RPS6KA2: variants seen among roughly 807,000 people sequenced by gnomAD.
The protein encoded by RPS6KA2 is ribosomal protein S6 kinase alpha-2.
In RPS6KA2, 42 loss-of-function variants were observed where a neutral mutation model predicts 91.8. That is an observed-to-expected ratio of 0.46 (90% CI 0.36 to 0.59). The LOEUF is 0.59. Ranked by LOEUF, RPS6KA2 falls within the 20% of genes least tolerant of loss-of-function variation. RPS6KA2 has a pLI of 0.00. For synonymous variants in RPS6KA2, 414 were observed against 393.6 expected (o/e 1.05, Z -0.61); for missense variants, 798 against 978.5 (o/e 0.82, Z 2.46).
intron 2 of RPS6KA2, among the ~76,000 whole-genome samples, chr6:166,846,859 G>T (rs1780619375): frequency 6.6e-6 from 1 of 152,216 alleles, no homozygotes; most frequent in Admixed American, 6.5e-5. Context: ...GTCCTAGCCA[G>T]AACAATCACA....
chr6:166,772,129 G>T (rs1350805244), intron 2 of RPS6KA2, among the ~76,000 whole-genome samples: 2 of 152,160 alleles, frequency 1.3e-5, no homozygotes, highest in Non-Finnish European at 2.9e-5. Flanking sequence ...ATTGTACTGG[G>T]CATGTATGGT....
At position 166,767,771 on chromosome 6, in the gene RPS6KA2, TCAAACACA is replaced by T. The variant is rs1425910465; in HGVS notation, c.123+90421_123+90428del. On this transcript the variant is annotated intron_variant, in intron 2 of 21. Coordinates refer to the RPS6KA2 transcript ENST00000503859. The surrounding 1 kb of genome is among the most constrained non-coding windows in gnomAD (Gnocchi z 4.6). ...ATTAAGAACTAAAGACAATACCTCC[TCAAACACA>T]CACACACACACACACACACACACAC... Among the ~76,000 whole-genome samples, 5 of 95,860 alleles carry T rather than the reference TCAAACACA, an allele frequency of 5.2e-5. No homozygotes were observed. The highest frequency in any genetic ancestry group is 1.3e-4 in the African/African-American group (3 of 23,174). The allele number at this position is 95,860 out of a possible 152,430, so 62.9% of individuals were successfully genotyped here.
At chr6:166,417,156 A>C (rs1318751055) in intron 19 of RPS6KA2, among the ~76,000 whole-genome samples, 3 of 152,246 alleles carry the variant, frequency 2.0e-5, no homozygotes, top group African/African-American at 7.2e-5. Flanking sequence ...TGTGGACTGC[A>C]GACAAGGCCA....
Position 166,802,942 on chromosome 6 carries a change from GTGTA to G in RPS6KA2, c.123+55254_123+55257del, listed in dbSNP as rs1334596986. 5.2e-3 allele frequency among the ~76,000 whole-genome samples: 604 copies of G among 116,116 alleles called. 2 individuals are homozygous for G. Among genetic ancestry groups the G allele is most frequent in the Middle Eastern group, 0.01 (2 of 198 alleles). 76.2% of individuals were successfully genotyped at this position (116,116 alleles called of 152,430 possible). A position where few individuals can be genotyped will look rare whatever the true frequency, so the allele number is the denominator to read the frequency against. On this transcript the variant is annotated intron_variant, in intron 2 of 21. Coordinates refer to the RPS6KA2 transcript ENST00000503859. ...ATATAATGTATGTATATGTGTGTGTGTGTATATATATATATATATATAAAATGAT... is the reference window on the plus strand; with the variant it reads ...ATATAATGTATGTATATGTGTGTGTGTATATATATATATATATAAAATGAT...
At chr6:166,429,120 G>A (rs2128444666) in intron 16 of RPS6KA2, among the ~76,000 whole-genome samples, 1 of 152,192 alleles carries the variant, frequency 6.6e-6, no homozygotes, top group Non-Finnish European at 1.5e-5. Context: ...AAAATGATGA[G>A]TTCATGTCCT....
intron 7 of RPS6KA2, among the ~76,000 whole-genome samples, chr6:166,499,857 G>GAACAGACTAACACAGGGACTTTC (rs1562536916): frequency 6.7e-6 from 1 of 150,370 alleles, no homozygotes; most frequent in East Asian, 2.0e-4. Flanking sequence ...CAGGGACTTT[G>GAACAGACTAACACAGGGACTTTC]AGAACAGACT....
At chr6:166,788,995 G>A (rs890477822) in intron 2 of RPS6KA2, among the ~76,000 whole-genome samples, 1 of 152,166 alleles carries the variant, frequency 6.6e-6, no homozygotes. Context: ...TCACTAGGGA[G>A]TGCCAGACAG....
chr6:166,501,058 G>A (rs1354739600), intron 6 of RPS6KA2, 134 bp from the exon 7 acceptor site: 10 of 732,114 alleles, frequency 1.4e-5, no homozygotes, highest in Non-Finnish European at 2.3e-5. Flanking sequence ...GCTGGCCCAG[G>A]AGATCCCCAC....
chr6:166,740,994 T>C (rs1391539213), intron 2 of RPS6KA2, among the ~76,000 whole-genome samples: 1 of 152,240 alleles, frequency 6.6e-6, no homozygotes, highest in Non-Finnish European at 1.5e-5. Flanking sequence ...CACGGCTCCA[T>C]GCCTACATGC....
intron 2 of RPS6KA2, among the ~76,000 whole-genome samples, chr6:166,746,726 C>T (rs550474260): frequency 3.7e-4 from 57 of 152,232 alleles, no homozygotes; most frequent in Middle Eastern, 6.9e-3. Flanking sequence ...CAAGTTCCCT[C>T]CTTGTCTTCC....
rs1778344445 is a variant in RPS6KA2 at position 166,412,586 on chromosome 6, A to C, written c.*176T>G. 1 of 586,678 alleles carries C rather than the reference A, an allele frequency of 1.7e-6. No individual in the cohort carries two copies. The highest frequency in any genetic ancestry group is 2.8e-6 in the Non-Finnish European group (1 of 353,348). The allele number at this position is 586,678 out of a possible 1,614,324, so 36.3% of individuals were successfully genotyped here. ...AGGCTGGCGCAGTGAGGCTTGGAGA[A>C]GCCCCCAGGTCAGGACCCTCTCCGG... On this transcript the variant is annotated 3_prime_UTR_variant, in exon 21 of 21. Transcript: ENST00000265678. This position sits in a 1 kb window ranked among gnomAD's most constrained non-coding sequence, Gnocchi z 4.3.
intron 1 of RPS6KA2, among the ~76,000 whole-genome samples, chr6:166,624,862 T>C (rs1340662682): frequency 1.3e-5 from 2 of 151,950 alleles, no homozygotes; most frequent in Non-Finnish European, 2.9e-5. Context: ...TTGAGACAAG[T>C]CTCGCTCTCT....
rs1205484374 is a variant in RPS6KA2 at position 166,433,383 on chromosome 6, T to G, written c.1333-893A>C. Among the ~76,000 whole-genome samples, 1 of 152,084 alleles carries G rather than the reference T, an allele frequency of 6.6e-6. No individual in the cohort carries two copies. The highest frequency in any genetic ancestry group is 2.4e-5 in the African/African-American group (1 of 41,398). ...ACATATGGTTTCTGAGGACAGGGTG[T>G]TGGGATTTAAGCCTACCTTGGAAAC... On this transcript the variant is annotated intron_variant, in intron 14 of 20. Transcript: ENST00000265678. The surrounding 1 kb of genome is among the most constrained non-coding windows in gnomAD (Gnocchi z 4.4).
chr6:166,478,715 G>A (rs1781074448), intron 10 of RPS6KA2, among the ~76,000 whole-genome samples: 2 of 152,190 alleles, frequency 1.3e-5, no homozygotes, highest in African/African-American at 4.8e-5. Flanking sequence ...AGATGAGCAG[G>A]AAGCAATGAG....
intron 2 of RPS6KA2, among the ~76,000 whole-genome samples, chr6:166,534,420 G>C (rs1783415046): frequency 6.6e-6 from 1 of 152,040 alleles, no homozygotes; most frequent in African/African-American, 2.4e-5. Flanking sequence ...GTACATGACG[G>C]ATTTGTGTTT....
At chr6:166,667,928 G>A (rs1490561615) in intron 2 of RPS6KA2, among the ~76,000 whole-genome samples, 5 of 152,230 alleles carry the variant, frequency 3.3e-5, no homozygotes, top group African/African-American at 2.4e-5. Flanking sequence ...GTTCCTGCCT[G>A]CGTCGTTGGT....
intron 2 of RPS6KA2, chr6:166,701,549 T>C: frequency 1.4e-6 from 2 of 1,450,370 alleles, no homozygotes; most frequent in East Asian, 2.3e-5. Flanking sequence ...AGCTGCTTGA[T>C]GTGCTGGCCC....
intron 2 of RPS6KA2, among the ~76,000 whole-genome samples, chr6:166,667,989 C>T (rs965653267): frequency 1.3e-5 from 2 of 152,250 alleles, no homozygotes; most frequent in South Asian, 2.1e-4. Context: ...CCGCACACAG[C>T]GGGAGCTCAT....
chr6:166,460,011 C>T (rs1780222288), intron 11 of RPS6KA2, among the ~76,000 whole-genome samples: 1 of 152,230 alleles, frequency 6.6e-6, no homozygotes, highest in Admixed American at 6.5e-5. Flanking sequence ...GGAACTTCAG[C>T]TCTGCGGGGC....
Sources: gnomAD v4.1 joint callset for allele counts (sites outside exome capture counted in the v4.1 genomes callset) on GRCh38, gnomAD v4.1.1 for gene constraint, Gnocchi (gnomAD v3.1) non-coding constraint, MANE v1.5 for transcripts, NCBI Gene and HGNC (gene_info 2026-07-23, HGNC 2026-07-21) for gene names.